The following CSMD1 variants were observed in gnomAD, a reference collection of about 807,000 sequenced individuals.
CSMD1 encodes the protein CUB and sushi domain-containing protein 1.
A neutral mutation model predicts 417.5 loss-of-function variants in CSMD1; 213 were observed. The observed-to-expected ratio is 0.51, with a 90% CI of 0.46 to 0.57. The LOEUF (loss-of-function observed/expected upper bound fraction) is 0.57, where lower values mean the gene tolerates loss of function less well. Ranked by LOEUF, CSMD1 falls within the 20% of genes least tolerant of loss-of-function variation. The pLI is 0.00. For synonymous variants in CSMD1, 2,862 were observed against 1,736.8 expected (o/e 1.65, Z -16.11); for missense variants, 6,923 against 4,529.7 (o/e 1.53, Z -15.17).
At position 4,082,234 on chromosome 8, in the gene CSMD1, G is replaced by C. The variant is rs188669967; in HGVS notation, c.416-50135C>G. Among the ~76,000 whole-genome samples, 27 of 152,156 alleles carry C rather than the reference G, an allele frequency of 1.8e-4. No individual in the cohort carries two copies. The East Asian group carries it at 4.6e-3, about 26-fold the overall frequency. On this transcript the variant is annotated intron_variant, in intron 3 of 69. Transcript: ENST00000635120. ...AAATTATGACCACACAGGTAAAATGGACAAAGTCCTAGAAAATTACAACCT... is the reference window on the plus strand; with the variant it reads ...AAATTATGACCACACAGGTAAAATGCACAAAGTCCTAGAAAATTACAACCT...
At chr8:3,497,295 A>G (rs190764389) in intron 10 of CSMD1, among the ~76,000 whole-genome samples, 13 of 152,244 alleles carry the variant, frequency 8.5e-5, no homozygotes, top group Admixed American at 4.6e-4. Context: ...TCCCATCAAT[A>G]ATGTTTGCTT....
intron 1 of CSMD1, among the ~76,000 whole-genome samples, chr8:4,913,907 T>G (rs1428409876): frequency 6.6e-6 from 1 of 152,218 alleles, no homozygotes; most frequent in Non-Finnish European, 1.5e-5. Context: ...TCCTTCTTAA[T>G]TAATGCGATT....
At chr8:4,258,481 C>G (rs13278832) in intron 3 of CSMD1, among the ~76,000 whole-genome samples, 7 of 42 alleles carry the variant, frequency 0.17, 3 homozygotes, top group African/African-American at 0.21. Flanking sequence ...GATGGAAGGA[C>G]GGAGGGAGGG....
At chr8:3,985,844 C>G (rs1295808974) in intron 5 of CSMD1, among the ~76,000 whole-genome samples, 1 of 151,630 alleles carries the variant, frequency 6.6e-6, no homozygotes, top group African/African-American at 2.4e-5. Context: ...GAGACTGTAC[C>G]CTAGGTCTGT....
chr8:4,352,268 T>A (rs75228397), intron 3 of CSMD1, among the ~76,000 whole-genome samples: 1 of 152,206 alleles, frequency 6.6e-6, no homozygotes, highest in Non-Finnish European at 1.5e-5. Flanking sequence ...TGAACTCACC[T>A]GCTCATGAGG....
chr8:4,472,802 T>G (rs1330024366), intron 2 of CSMD1, among the ~76,000 whole-genome samples: 2 of 152,012 alleles, frequency 1.3e-5, no homozygotes, highest in Non-Finnish European at 2.9e-5. Context: ...TCATTGATCT[T>G]AGATACTTAA....
intron 5 of CSMD1, among the ~76,000 whole-genome samples, chr8:3,959,032 T>A (rs2627494): frequency 0.46 from 69,217 of 152,008 alleles, 16,746 homozygotes; most frequent in East Asian, 0.79. Context: ...GGCTTCTCCA[T>A]GCTCCTCCAT....
intron 2 of CSMD1, among the ~76,000 whole-genome samples, chr8:4,453,749 G>A (rs959802946): frequency 2.0e-5 from 3 of 149,750 alleles, no homozygotes; most frequent in African/African-American, 7.4e-5. Context: ...GTAATTCCGG[G>A]TCCCCATTTG....
intron 1 of CSMD1, among the ~76,000 whole-genome samples, chr8:4,891,269 G>A (rs565322565): frequency 6.6e-6 from 1 of 152,116 alleles, no homozygotes; most frequent in South Asian, 2.1e-4. Context: ...TACATCCTTA[G>A]GTAAAACAAG....
At chr8:2,994,415 T>C (rs1806691980) in intron 54 of CSMD1, among the ~76,000 whole-genome samples, 1 of 152,140 alleles carries the variant, frequency 6.6e-6, no homozygotes, top group African/African-American at 2.4e-5. Context: ...GTTGCTGCTG[T>C]GGTGAGGACG....
chr8:4,733,800 T>C (rs949145939), intron 1 of CSMD1, among the ~76,000 whole-genome samples: 7 of 152,210 alleles, frequency 4.6e-5, no homozygotes, highest in African/African-American at 1.2e-4. Context: ...TCATGACTAC[T>C]ACTAAATTAT....
At chr8:3,453,127 G>C (rs1043790204) in intron 12 of CSMD1, among the ~76,000 whole-genome samples, 7 of 152,180 alleles carry the variant, frequency 4.6e-5, no homozygotes, top group African/African-American at 1.7e-4. Flanking sequence ...AGTATTCTCT[G>C]ATGGTAGTTT....
chr8:3,643,893 A>C (rs1243768135), intron 7 of CSMD1, among the ~76,000 whole-genome samples: 5 of 152,158 alleles, frequency 3.3e-5, no homozygotes. Context: ...TTGATTTGCT[A>C]TCTGGGCAAG....
intron 1 of CSMD1, among the ~76,000 whole-genome samples, chr8:4,710,710 G>C (rs886480376): frequency 6.6e-6 from 1 of 151,306 alleles, no homozygotes; most frequent in South Asian, 2.1e-4. Context: ...CCCAGCATGG[G>C]GCCACATGCC....
chr8:3,433,104 T>C (rs1046787883), intron 12 of CSMD1, among the ~76,000 whole-genome samples: 2 of 152,218 alleles, frequency 1.3e-5, no homozygotes, highest in African/African-American at 2.4e-5. Flanking sequence ...ATACGTTTTA[T>C]ACAGAGATTG....
intron 1 of CSMD1, among the ~76,000 whole-genome samples, chr8:4,885,209 T>C (rs1397935771): frequency 1.3e-5 from 2 of 152,040 alleles, no homozygotes; most frequent in Non-Finnish European, 2.9e-5. Flanking sequence ...AAATTTTATT[T>C]TTAGATATAA....
chr8:3,141,447 C>G (rs1049761292), intron 41 of CSMD1, among the ~76,000 whole-genome samples: 1 of 152,146 alleles, frequency 6.6e-6, no homozygotes, highest in Admixed American at 6.5e-5. Flanking sequence ...AAAAGACCCC[C>G]TTCTTGCCTG....
chr8:4,782,163 G>C (rs921746335), intron 1 of CSMD1, among the ~76,000 whole-genome samples: 1 of 152,192 alleles, frequency 6.6e-6, no homozygotes, highest in African/African-American at 2.4e-5. Context: ...CAAAGTTACA[G>C]TTAGGAAGAA....
chr8:3,533,492 G>A (rs188115454), intron 10 of CSMD1, among the ~76,000 whole-genome samples: 11 of 152,078 alleles, frequency 7.2e-5, no homozygotes, highest in Non-Finnish European at 1.2e-4. Context: ...TATTTGTCCT[G>A]TGAGCAGCTT....
Sources: allele counts gnomAD v4.1 joint callset (sites outside exome capture counted in the v4.1 genomes callset), GRCh38; gene constraint gnomAD v4.1.1; transcripts MANE v1.5; gene names NCBI Gene and HGNC (gene_info 2026-07-23, HGNC 2026-07-21).